The following IQANK1 variants were observed in gnomAD, a reference collection of about 807,000 sequenced individuals.
The protein encoded by IQANK1 is IQ motif and ankyrin repeat domain-containing protein 1.
In IQANK1, 30 loss-of-function variants were observed where a neutral mutation model predicts 22.6. The ratio of observed to expected loss-of-function variants is 1.33; its 90% CI spans 0.99 to 1.80. IQANK1 has a LOEUF of 1.80. IQANK1 is among the 40% of genes most tolerant of loss of function. IQANK1 has a pLI of 0.00. For missense variants in IQANK1, 275 were observed against 235.2 expected, an observed-to-expected ratio of 1.17 and a Z score of -1.11; for synonymous variants, 122 against 99.6, an observed-to-expected ratio of 1.23 and a Z score of -1.34.
Position 143,774,038 on chromosome 8 carries a change from C to T in IQANK1, c.789+1556C>T, listed in dbSNP as rs1261191018. 1.3e-5 allele frequency among the ~76,000 whole-genome samples: 2 copies of T among 152,030 alleles called. No individual in the cohort carries two copies. The highest frequency in any genetic ancestry group is 2.9e-5 in the Non-Finnish European group (2 of 68,012). ...GTTAGTGTGGACCTGAAGCACACACCTATAAAAAATGAACTCAAAGTGGAT... is the reference window on the plus strand; with the variant it reads ...GTTAGTGTGGACCTGAAGCACACACTTATAAAAAATGAACTCAAAGTGGAT... On this transcript the variant is annotated intron_variant, in intron 7 of 13. Transcript: ENST00000527139. The surrounding 1 kb of genome is among the most constrained non-coding windows in gnomAD (Gnocchi z 4.2).
intron 7 of IQANK1, among the ~76,000 whole-genome samples, chr8:143,787,663 C>A (rs574418521): frequency 2.0e-5 from 3 of 152,276 alleles, no homozygotes; most frequent in Admixed American, 1.3e-4. Context: ...CATCCTGCCC[C>A]CGCTCTTTCC....
chr8:143,764,626 T>C (rs1015507069), intron 3 of IQANK1, among the ~76,000 whole-genome samples: 1 of 151,068 alleles, frequency 6.6e-6, no homozygotes. Flanking sequence ...AAAACAAAAC[T>C]GAAAAAAGAA....
At chr8:143,753,000 T>G (rs1447605554) in intron 3 of IQANK1, among the ~76,000 whole-genome samples, 1 of 131,600 alleles carries the variant, frequency 7.6e-6, no homozygotes, top group African/African-American at 3.0e-5. Flanking sequence ...CTGTTCGTTT[T>G]TTTTTTTTTT....
chr8:143,763,511 G>A (rs1425318084), intron 3 of IQANK1, among the ~76,000 whole-genome samples: 5 of 152,164 alleles, frequency 3.3e-5, no homozygotes. Context: ...TCATGGGGGC[G>A]GGTCTCTCAT....
intron 7 of IQANK1, among the ~76,000 whole-genome samples, chr8:143,782,599 G>A (rs1554631045): frequency 6.6e-6 from 1 of 152,028 alleles, no homozygotes; most frequent in Non-Finnish European, 1.5e-5. Context: ...TCCTGCCTCG[G>A]CCTCCTGAGT....
At chr8:143,750,573 T>A (rs1230435740) in intron 3 of IQANK1, among the ~76,000 whole-genome samples, 4 of 152,144 alleles carry the variant, frequency 2.6e-5, no homozygotes, top group Non-Finnish European at 4.4e-5. Context: ...CAGTGGTTCA[T>A]GCCTGTAATC....
At chr8:143,748,709 AATATATATC>A (rs1376670702) in intron 3 of IQANK1, among the ~76,000 whole-genome samples, 10 of 114,236 alleles carry the variant, frequency 8.8e-5, no homozygotes, top group East Asian at 2.3e-4. Context: ...TAAATATATA[AATATATATC>A]ATATATATCA....
intron 3 of IQANK1, chr8:143,742,215 GC>G (rs1169352931): frequency 2.7e-6 from 1 of 374,896 alleles, no homozygotes; most frequent in Non-Finnish European, 5.4e-6. Context: ...TGGAGAGCCA[GC>G]CCAGCCCTCA....
At chr8:143,752,128 G>T (rs924155691) in intron 3 of IQANK1, among the ~76,000 whole-genome samples, 1 of 152,070 alleles carries the variant, frequency 6.6e-6, no homozygotes, top group African/African-American at 2.4e-5. Context: ...ACCAGGCCCA[G>T]CTAATTTTTG....
At chr8:143,746,560 T>A (rs1819036897) in intron 3 of IQANK1, among the ~76,000 whole-genome samples, 1 of 152,048 alleles carries the variant, frequency 6.6e-6, no homozygotes, top group African/African-American at 2.4e-5. Flanking sequence ...ATTTTTAATT[T>A]TTTGTAGAGA....
intron 3 of IQANK1, chr8:143,744,074 C>T (rs1167732700): frequency 4.9e-5 from 12 of 244,738 alleles, no homozygotes; most frequent in East Asian, 1.5e-4. Flanking sequence ...CCTTGTGATC[C>T]GCCCGTCTCA....
At chr8:143,775,065 T>A (rs782309020) in intron 7 of IQANK1, among the ~76,000 whole-genome samples, 4 of 152,154 alleles carry the variant, frequency 2.6e-5, no homozygotes, top group Non-Finnish European at 5.9e-5. Context: ...GTATCTTGAT[T>A]ACGATGGTCG....
At chr8:143,743,845 T>TG (rs1818972996) in intron 3 of IQANK1, 4 of 432,436 alleles carry the variant, frequency 9.2e-6, no homozygotes, top group Admixed American at 5.4e-5. Context: ...GGATTCTTTT[T>TG]CTTTTTTTTT....
chr8:143,780,825 C>G (rs1819783970), intron 7 of IQANK1, among the ~76,000 whole-genome samples: 1 of 152,146 alleles, frequency 6.6e-6, no homozygotes, highest in African/African-American at 2.4e-5. Flanking sequence ...GCTTTATATT[C>G]CTCTGGGTAT....
In IQANK1 at chr8:143,789,789, A is replaced by G; in HGVS notation, c.1115A>G (p.Asp372Gly). 8.1e-7 allele frequency: 1 copy of G among 1,232,110 alleles called. No individual in the cohort carries two copies. The highest frequency in any genetic ancestry group is 3.2e-5 in the East Asian group (1 of 31,694). 76.3% of individuals were successfully genotyped at this position (1,232,110 alleles called of 1,614,324 possible). ...ATCAAGGACACAGAGGCCCAGGTGG[A>G]CAGGCTGCGGCAGGAGGCCCAGAAG... ...QAIKDTEAQV[D>G]RLRQEAQKAE... is the part of the protein sequence containing the mutation. Residue 372 changes from aspartate to glycine, a missense_variant, in exon 11 of 14, where the codon GAC becomes GGC. Transcript: ENST00000527139.
At chr8:143,748,830 T>TCATATATAAATATATAAATATATATA (rs1554627615) in intron 3 of IQANK1, among the ~76,000 whole-genome samples, 4,658 of 83,878 alleles carry the variant, frequency 0.056, 261 homozygotes, top group Admixed American at 0.1. Context: ...AAATATATAT[T>TCATATATAAATATATAAATATATATA]TCATATATAA....
intron 2 of IQANK1, among the ~76,000 whole-genome samples, chr8:143,737,920 C>T (rs1554625904): frequency 1.3e-5 from 2 of 152,334 alleles, no homozygotes; most frequent in South Asian, 2.1e-4. Flanking sequence ...GGCCCAGGGC[C>T]GGCATGGGGT....
At chr8:143,786,827 C>T (rs11778251) in intron 7 of IQANK1, among the ~76,000 whole-genome samples, 34,474 of 152,038 alleles carry the variant, frequency 0.23, 3,941 homozygotes, top group Middle Eastern at 0.28. Flanking sequence ...GCTGTGAACG[C>T]CTGAGGAGCT....
intron 3 of IQANK1, chr8:143,745,595 G>A (rs1397071463): frequency 6.6e-6 from 1 of 151,962 alleles, no homozygotes; most frequent in Non-Finnish European, 1.5e-5. Context: ...GCTAATTTTT[G>A]TATTTTTAGT....
Sources: allele counts gnomAD v4.1 joint callset (sites outside exome capture counted in the v4.1 genomes callset), GRCh38; gene constraint gnomAD v4.1.1; non-coding constraint Gnocchi (gnomAD v3.1); transcripts MANE v1.5; gene names NCBI Gene and HGNC (gene_info 2026-07-23, HGNC 2026-07-21).